ANO3: variants seen among roughly 807,000 people sequenced by gnomAD.
The protein encoded by ANO3 is anoctamin 3.
Under a neutral mutation model 144.8 loss-of-function variants are expected in ANO3, and 99 were observed. The ratio of observed to expected loss-of-function variants is 0.68; its 90% CI spans 0.58 to 0.81. The LOEUF (loss-of-function observed/expected upper bound fraction) is 0.81, where lower values mean the gene tolerates loss of function less well. Ranked by LOEUF, ANO3 falls within the 30% of genes least tolerant of loss-of-function variation. The pLI, the probability that ANO3 is intolerant of heterozygous loss-of-function variation, is 0.00. For missense variants in ANO3, 905 were observed against 1,202.2 expected (o/e 0.75, Z 3.66); for synonymous variants, 414 against 392.6 (o/e 1.05, Z -0.64).
rs550423212 is a variant in ANO3, at chr11:26,200,839, A to C, written c.154+11509A>C. On this transcript the variant is annotated intron_variant, in intron 1 of 27. Transcript: ENST00000672621. The stretch of plus-strand genomic sequence containing the variant: ...GTTTTAATTACTTGTATATAACAGA[A>C]ATTTTTAAAAAATTATTGAATTTGT... 3.9e-5 allele frequency among the ~76,000 whole-genome samples: 6 copies of C among 152,246 alleles called. No individual in the cohort carries two copies. The East Asian group carries it at 1.2e-3, about 29-fold the overall frequency.
intron 17 of ANO3, among the ~76,000 whole-genome samples, chr11:26,616,324 G>C (rs540432676): frequency 3.3e-5 from 5 of 152,078 alleles, no homozygotes; most frequent in African/African-American, 7.2e-5. Flanking sequence ...AAGTTATTGC[G>C]ATTTTTGCTA....
chr11:26,627,696 T>C (rs75797082), intron 18 of ANO3, among the ~76,000 whole-genome samples: 11,172 of 152,170 alleles, frequency 0.073, 615 homozygotes, highest in South Asian at 0.16. Context: ...TGATATTTGA[T>C]TTTTTCCTCT....
intron 1 of ANO3, among the ~76,000 whole-genome samples, chr11:26,414,117 T>C (rs1241242539): frequency 2.0e-5 from 3 of 152,176 alleles, no homozygotes; most frequent in Admixed American, 6.5e-5. Flanking sequence ...TGTGAAGAAA[T>C]AGGAATGCTT....
chr11:26,189,314 C>T (rs1851431628), exon 1 of ANO3: 1 of 985,226 alleles, frequency 1.0e-6, no homozygotes, highest in Non-Finnish European at 1.2e-6. Flanking sequence ...TTCAGCACTC[C>T]AGTTCTGTCC....
At chr11:26,595,772 T>C (rs1851608378) in intron 14 of ANO3, among the ~76,000 whole-genome samples, 1 of 152,236 alleles carries the variant, frequency 6.6e-6, no homozygotes, top group Admixed American at 6.5e-5. Flanking sequence ...AAATCACCTT[T>C]TTCTAACAGA....
chr11:26,580,454 A>G (rs189568168), intron 14 of ANO3, among the ~76,000 whole-genome samples: 2 of 152,260 alleles, frequency 1.3e-5, no homozygotes, highest in Admixed American at 6.5e-5. Flanking sequence ...AATTTTTACA[A>G]TTTCCTATAG....
intron 20 of ANO3, among the ~76,000 whole-genome samples, chr11:26,637,455 G>T (rs894052296): frequency 3.9e-5 from 6 of 152,170 alleles, no homozygotes; most frequent in African/African-American, 1.4e-4. Context: ...CACAGCACCA[G>T]TCAACACTGT....
Position 26,507,862 on chromosome 11 carries a change from C to T in ANO3, c.433-242C>T, listed in dbSNP as rs1276145997. On this transcript the variant is annotated intron_variant, in intron 4 of 26. Coordinates refer to ENST00000256737, the MANE Select transcript of ANO3 (RefSeq NM_031418.4). ...TAAAACATATGCATTTTTATGCCAG[C>T]ACCAGAGAACCCATGTTCAGATATC... 3.3e-5 allele frequency among the ~76,000 whole-genome samples: 5 copies of T among 152,108 alleles called. No homozygotes were observed. The East Asian group carries it at 9.6e-4, about 29-fold the overall frequency.
chr11:26,496,717 T>G (rs996999345), intron 4 of ANO3, among the ~76,000 whole-genome samples: 5 of 152,016 alleles, frequency 3.3e-5, no homozygotes, highest in African/African-American at 4.8e-5. Context: ...ATTATTCCAT[T>G]CTCTATATTC....
At chr11:26,273,688 G>A (rs926450097) in intron 1 of ANO3, among the ~76,000 whole-genome samples, 1 of 151,012 alleles carries the variant, frequency 6.6e-6, no homozygotes, top group Non-Finnish European at 1.5e-5. Flanking sequence ...TCTGTCGGGG[G>A]AAGGTAAAGG....
intron 14 of ANO3, among the ~76,000 whole-genome samples, chr11:26,583,449 A>G (rs1851187364): frequency 6.6e-6 from 1 of 152,210 alleles, no homozygotes; most frequent in Non-Finnish European, 1.5e-5. Flanking sequence ...GCAGGTTTTG[A>G]CCAACCAGTT....
intron 14 of ANO3, among the ~76,000 whole-genome samples, chr11:26,571,199 A>G (rs1850811216): frequency 6.6e-6 from 1 of 152,060 alleles, no homozygotes; most frequent in Admixed American, 6.6e-5. Flanking sequence ...GTTTCTCCGA[A>G]AGGAAAGTTC....
At chr11:26,378,522 T>C (rs1194431614) in intron 1 of ANO3, among the ~76,000 whole-genome samples, 2 of 151,280 alleles carry the variant, frequency 1.3e-5, no homozygotes, top group African/African-American at 2.4e-5. Flanking sequence ...AAACACACTT[T>C]TAAAAATTAA....
At position 26,211,204 on chromosome 11, in the gene ANO3, C is replaced by T. The variant is rs141643890; in HGVS notation, c.154+21874C>T. Among the ~76,000 whole-genome samples the T allele has an allele frequency of 1.5e-3, 228 of 152,188 alleles. 3 individuals are homozygous for T. Among genetic ancestry groups the T allele is most frequent in the African/African-American group, 5.3e-3 (218 of 41,520 alleles). On this transcript the variant is annotated intron_variant, in intron 1 of 27. Coordinates refer to the ANO3 transcript ENST00000672621. ...AAATAGAACTCAGGATGAAGAAACC[C>T]ACTCAAAACTGCACGACTACATGGA...
intron 3 of ANO3, among the ~76,000 whole-genome samples, chr11:26,457,021 A>G (rs1165212650): frequency 6.7e-6 from 1 of 148,356 alleles, no homozygotes; most frequent in Non-Finnish European, 1.5e-5. Context: ...TGGGAATTGA[A>G]CTATGAGAAC....
At chr11:26,312,554 G>A (rs182193479) in intron 1 of ANO3, among the ~76,000 whole-genome samples, 1 of 152,142 alleles carries the variant, frequency 6.6e-6, no homozygotes, top group African/African-American at 2.4e-5. Flanking sequence ...GTGTGAGATG[G>A]TATCTCATTA....
chr11:26,367,271 AGATGCCC>A (rs1856119729), intron 1 of ANO3, among the ~76,000 whole-genome samples: 2 of 152,216 alleles, frequency 1.3e-5, no homozygotes, highest in Non-Finnish European at 2.9e-5. Context: ...TTCTTCCACC[AGATGCCC>A]TAGGTTGTCA....
At chr11:26,619,873 G>A (rs1194250145) in intron 17 of ANO3, among the ~76,000 whole-genome samples, 1 of 152,152 alleles carries the variant, frequency 6.6e-6, no homozygotes. Flanking sequence ...TTCTTATCCA[G>A]CCAGCCCCTC....
Position 26,530,018 on chromosome 11 carries a change from G to A in ANO3, c.738-1187G>A, listed in dbSNP as rs528950780. 6.6e-5 allele frequency among the ~76,000 whole-genome samples: 10 copies of A among 152,136 alleles called. No homozygotes were observed. In the South Asian group the frequency reaches 1.9e-3, roughly 28 times the overall value. On this transcript the variant is annotated intron_variant, in intron 7 of 26. Transcript: ENST00000256737. The stretch of plus-strand genomic sequence containing the variant: ...TCCCTTAGCAGCTATGTAGAAATGT[G>A]GAATCTCAGTCCCTATCCCAGGCCT...
Sources: gnomAD v4.1 joint callset for allele counts (sites outside exome capture counted in the v4.1 genomes callset) on GRCh38, gnomAD v4.1.1 for gene constraint, MANE v1.5 for transcripts, NCBI Gene and HGNC (gene_info 2026-07-23, HGNC 2026-07-21) for gene names.